The following JAK1 variants were observed in gnomAD, a reference collection of about 807,000 sequenced individuals.
JAK1 encodes the protein tyrosine-protein kinase JAK1.
A neutral mutation model predicts 136.6 loss-of-function variants in JAK1; 16 were observed. The ratio of observed to expected loss-of-function variants is 0.12; its 90% CI spans 0.08 to 0.18. The LOEUF (loss-of-function observed/expected upper bound fraction) is 0.18. Among genes scored for constraint, JAK1 ranks in the 10% least tolerant of loss-of-function variants. The pLI is 1.00. For missense variants in JAK1, 859 were observed against 1,450.1 expected, an observed-to-expected ratio of 0.59 and a Z score of 6.62; for synonymous variants, 492 against 519.5, an observed-to-expected ratio of 0.95 and a Z score of 0.72.
chr1:64,855,851 T>A (rs549363838), intron 10 of JAK1, among the ~76,000 whole-genome samples, 153 bp from the exon 11 acceptor site: 3 of 151,924 alleles, frequency 2.0e-5, no homozygotes, highest in African/African-American at 7.3e-5. Flanking sequence ...ATAAAGTTTA[T>A]TATCAATAAA....
chr1:64,943,350 A>C (rs1031580767), intron 1 of JAK1, among the ~76,000 whole-genome samples: 1 of 152,244 alleles, frequency 6.6e-6, no homozygotes, highest in African/African-American at 2.4e-5. Flanking sequence ...TCTCACTGGC[A>C]TCAACTGCCT....
intron 1 of JAK1, among the ~76,000 whole-genome samples, chr1:64,920,341 A>C (rs554864064): frequency 5.3e-5 from 8 of 152,266 alleles, no homozygotes; most frequent in Non-Finnish European, 1.2e-4. Flanking sequence ...GGAATTCAAG[A>C]CCAGCCTGGG....
At chr1:65,062,569 T>C (rs1647840107) in intron 1 of JAK1, among the ~76,000 whole-genome samples, 1 of 152,194 alleles carries the variant, frequency 6.6e-6, no homozygotes, top group Non-Finnish European at 1.5e-5. Context: ...TACACTCCAC[T>C]TCCCTGCAGG....
At chr1:64,946,631 G>A (rs577054008) in intron 1 of JAK1, among the ~76,000 whole-genome samples, 56 of 152,148 alleles carry the variant, frequency 3.7e-4, no homozygotes, top group Admixed American at 1.2e-3. Context: ...CACTTACTGG[G>A]CACCAAAAAG....
At chr1:65,064,933 G>C (rs755474475) in intron 1 of JAK1, among the ~76,000 whole-genome samples, 2 of 152,162 alleles carry the variant, frequency 1.3e-5, no homozygotes, top group Non-Finnish European at 2.9e-5. Context: ...TTATCATTCA[G>C]TGGTCTAGGT....
At chr1:64,920,572 A>G (rs1186086844) in intron 1 of JAK1, among the ~76,000 whole-genome samples, 1 of 152,150 alleles carries the variant, frequency 6.6e-6, no homozygotes, top group Non-Finnish European at 1.5e-5. Flanking sequence ...ACTACACTAG[A>G]CCAAACTAAA....
intron 3 of JAK1, among the ~76,000 whole-genome samples, chr1:64,880,224 C>T (rs528165697): frequency 2.2e-4 from 33 of 152,266 alleles, no homozygotes; most frequent in African/African-American, 7.2e-4. Flanking sequence ...ACACCTCAAT[C>T]CATGCTTCTC....
Position 64,846,146 on chromosome 1 carries a change from T to C in JAK1, c.1987+503A>G, listed in dbSNP as rs146303879. ...AAATCGCTCTTCTTCCAAACTTACA[T>C]GTCAGGAACTCAGAGGCCAAGGCCA... On this transcript the variant is annotated intron_variant, in intron 14 of 24. Coordinates refer to ENST00000342505, the MANE Select transcript of JAK1 (RefSeq NM_002227.4). Among the ~76,000 whole-genome samples, 49 of 152,232 alleles carry C rather than the reference T, an allele frequency of 3.2e-4. 1 individual carries two copies. In the East Asian group the frequency reaches 7.0e-3, roughly 22 times the overall value.
intron 1 of JAK1, among the ~76,000 whole-genome samples, chr1:64,964,300 G>GA (rs747819682): frequency 1.1e-3 from 171 of 152,240 alleles, no homozygotes; most frequent in Non-Finnish European, 2.1e-3. Context: ...TCTTTGAGGG[G>GA]AAAAAAACAC....
At chr1:64,926,739 T>A (rs1162870478) in intron 1 of JAK1, among the ~76,000 whole-genome samples, 1 of 152,210 alleles carries the variant, frequency 6.6e-6, no homozygotes, top group Admixed American at 6.5e-5. Flanking sequence ...ATAGCAGATA[T>A]AAGCACAGTC....
chr1:64,950,652 C>T (rs956950927), intron 1 of JAK1, among the ~76,000 whole-genome samples: 38 of 152,264 alleles, frequency 2.5e-4, no homozygotes, highest in Non-Finnish European at 3.1e-4. Flanking sequence ...AGACACTGCC[C>T]TTCAGAATCC....
chr1:64,861,416 C>T (rs1656331865), intron 8 of JAK1, among the ~76,000 whole-genome samples: 1 of 151,982 alleles, frequency 6.6e-6, no homozygotes, highest in Non-Finnish European at 1.5e-5. Context: ...CTGAAAGACA[C>T]CTGTGTTGTA....
chr1:64,874,098 A>G (rs1022068030), intron 4 of JAK1, among the ~76,000 whole-genome samples: 1 of 152,158 alleles, frequency 6.6e-6, no homozygotes, highest in Non-Finnish European at 1.5e-5. Flanking sequence ...CAAGCACTTT[A>G]TATATATTAT....
At chr1:64,885,024 T>C (rs560494963) in intron 2 of JAK1, among the ~76,000 whole-genome samples, 2 of 152,270 alleles carry the variant, frequency 1.3e-5, no homozygotes, top group South Asian at 4.1e-4. Context: ...CCAAATTCAT[T>C]TGCTTGGTCT....
intron 1 of JAK1, among the ~76,000 whole-genome samples, chr1:65,063,669 G>A (rs1647911407): frequency 6.6e-6 from 1 of 151,998 alleles, no homozygotes; most frequent in African/African-American, 2.4e-5. Context: ...GCCGGGCGTG[G>A]TGGCACACAC....
rs1197711756 is a variant in JAK1, at chr1:64,844,712, C to T, written c.2251+42G>A. ...AGCCCTTCTCTCTGCTGACTTGCCC[C>T]TGACTCGGGGTGGGGCCAGAGGGAA... is the stretch of plus-strand genomic sequence containing the variant. On this transcript the variant is annotated intron_variant, in intron 16 of 24. Transcript: ENST00000342505. The surrounding 1 kb of genome is among the most constrained non-coding windows in gnomAD (Gnocchi z 5.7). 4.4e-5 allele frequency: 71 copies of T among 1,612,978 alleles called. No homozygotes were observed. The highest frequency in any genetic ancestry group is 5.9e-5 in the Non-Finnish European group (70 of 1,179,622).
At chr1:64,839,035 A>G (rs900942266) in intron 20 of JAK1, among the ~76,000 whole-genome samples, 2 of 149,324 alleles carry the variant, frequency 1.3e-5, no homozygotes, top group Non-Finnish European at 3.0e-5. Flanking sequence ...AGTCCCAGCT[A>G]CTCGGGAGGC....
intron 2 of JAK1, among the ~76,000 whole-genome samples, chr1:65,025,920 C>A (rs577272305): frequency 3.9e-5 from 6 of 152,270 alleles, no homozygotes; most frequent in Non-Finnish European, 7.4e-5. Context: ...CTCAAGCGAT[C>A]CTCCTGCCTT....
intron 1 of JAK1, among the ~76,000 whole-genome samples, chr1:64,893,762 C>A (rs1644973608): frequency 6.6e-6 from 1 of 152,166 alleles, no homozygotes; most frequent in South Asian, 2.1e-4. Flanking sequence ...TTGTACTGCA[C>A]CTAACATAGC....
Sources: gnomAD v4.1 joint callset for allele counts (sites outside exome capture counted in the v4.1 genomes callset) on GRCh38, gnomAD v4.1.1 for gene constraint, Gnocchi (gnomAD v3.1) non-coding constraint, MANE v1.5 for transcripts, NCBI Gene and HGNC (gene_info 2026-07-23, HGNC 2026-07-21) for gene names.